The following DSC3 variants were observed in gnomAD, a reference collection of about 807,000 sequenced individuals.
The protein encoded by DSC3 is desmocollin 3.
DSC3 carries 97 observed loss-of-function variants against 89.5 expected under a neutral mutation model. That is an observed-to-expected ratio of 1.08 (90% CI 0.92 to 1.28). The LOEUF (loss-of-function observed/expected upper bound fraction) is 1.28. DSC3 is among the 50% of genes most tolerant of loss of function. The pLI, the probability that DSC3 is intolerant of heterozygous loss-of-function variation, is 0.00. For missense variants in DSC3, 1,199 were observed against 1,085.3 expected (o/e 1.10, Z -1.47); for synonymous variants, 436 against 384.1 (o/e 1.14, Z -1.58).
intron 13 of DSC3, among the ~76,000 whole-genome samples, chr18:31,002,595 G>A (rs1161323952): frequency 1.3e-5 from 2 of 151,744 alleles, no homozygotes; most frequent in Admixed American, 6.6e-5. Context: ...AGCTACTCAG[G>A]AGGCTGAGGC....
intron 9 of DSC3, among the ~76,000 whole-genome samples, chr18:31,016,834 A>G (rs1483062905): frequency 6.6e-6 from 1 of 152,180 alleles, no homozygotes. Flanking sequence ...GGTTTCTTGT[A>G]TGGATGAACA....
At position 31,031,054 on chromosome 18, in the gene DSC3, T is replaced by C; in HGVS notation, c.273A>G (p.Lys91=). ...CAGAAAGCCATATGGTAAATGATCT[T>C]TTCTTATCAGACAGCGCAACAGCCC... is the stretch of plus-strand genomic sequence containing the variant. The part of the protein sequence containing the change: ...TARAVALSDK[K]RSFTIWLSDK... The change falls in exon 3 of 16, where the codon AAA becomes AAG. Residue 91 remains lysine (K), a synonymous_variant. Transcript: ENST00000360428. 2 of 1,614,134 alleles carry C rather than the reference T, an allele frequency of 1.2e-6. No individual in the cohort carries two copies. Among genetic ancestry groups the C allele is most frequent in the South Asian group, 1.1e-5 (1 of 91,082 alleles).
chr18:31,019,110 G>C (rs944308613), intron 7 of DSC3, among the ~76,000 whole-genome samples: 1 of 152,192 alleles, frequency 6.6e-6, no homozygotes. Context: ...GTTTTGTTTT[G>C]TCTTGAGACG....
At chr18:31,011,291 A>T (rs533708212) in intron 9 of DSC3, among the ~76,000 whole-genome samples, 1 of 152,262 alleles carries the variant, frequency 6.6e-6, no homozygotes, top group Non-Finnish European at 1.5e-5. Flanking sequence ...AAGCTGTCAC[A>T]GAGGCGAATG....
Position 31,031,014 on chromosome 18 carries a change from T to C in DSC3, c.313A>G (p.Thr105Ala), listed in dbSNP as rs1490962157. Residue 105 changes from threonine (T) to alanine (A), a missense_variant, in exon 3 of 16, where the codon ACA (threonine) becomes GCA (alanine). By Grantham distance (58) the Thr-to-Ala change is moderately conservative. Coordinates refer to ENST00000360428, the MANE Select transcript of DSC3 (RefSeq NM_001941.5). ...TIWLSDKRKQ[T>A]QKEVTVLLEH... Reference sequence around the variant, plus strand: ...AGCAGCACAGTAACCTCTTTCTGTGTCTGTTTCCTTTTGTCAGAAAGCCAT... The same window carrying C: ...AGCAGCACAGTAACCTCTTTCTGTGCCTGTTTCCTTTTGTCAGAAAGCCAT... 2 of 1,614,092 alleles carry C rather than the reference T, an allele frequency of 1.2e-6. No homozygotes were observed. The highest frequency in any genetic ancestry group is 8.5e-7 in the Non-Finnish European group (1 of 1,179,932).
At chr18:31,037,717 T>A (rs1986016084) in intron 1 of DSC3, among the ~76,000 whole-genome samples, 1 of 152,140 alleles carries the variant, frequency 6.6e-6, no homozygotes, top group Admixed American at 6.5e-5. Flanking sequence ...CGGACCAACA[T>A]GGTGAAACCT....
Position 30,994,072 on chromosome 18 carries a change from G to GA in DSC3, c.*102dup. 5 of 1,171,964 alleles carry GA rather than the reference G, an allele frequency of 4.3e-6. No homozygotes were observed. The highest frequency in any genetic ancestry group is 1.3e-5 in the South Asian group (1 of 74,902). The allele number at this position is 1,171,964 out of a possible 1,614,324, so 72.6% of individuals were successfully genotyped here. A position where few individuals can be genotyped will look rare whatever the true frequency, so the allele number is the denominator to read the frequency against. On this transcript the variant is annotated 3_prime_UTR_variant, in exon 16 of 16. Transcript: ENST00000360428. Reference sequence around the variant, plus strand: ...GGTGAGTAGCATAATTCAAAATTGAGAAAAAAATCATCATATACATACATG... The same window carrying GA: ...GGTGAGTAGCATAATTCAAAATTGAGAAAAAAAATCATCATATACATACATG...
chr18:31,027,420 C>T (rs1323445314), intron 4 of DSC3, among the ~76,000 whole-genome samples: 2 of 151,944 alleles, frequency 1.3e-5, no homozygotes, highest in East Asian at 3.9e-4. Flanking sequence ...CTCATTTTTG[C>T]TACTTCTGCT....
At position 31,037,026 on chromosome 18, in the gene DSC3, C is replaced by T. The variant is rs940227090; in HGVS notation, c.70-4750G>A. 4.6e-5 allele frequency among the ~76,000 whole-genome samples: 7 copies of T among 151,874 alleles called. No homozygotes were observed. The East Asian group carries it at 7.7e-4, about 17-fold the overall frequency. On this transcript the variant is annotated intron_variant, in intron 1 of 15. Coordinates refer to ENST00000360428, the MANE Select transcript of DSC3 (RefSeq NM_001941.5). Reference sequence around the variant, plus strand: ...CAGGCTGGTCTTGAACTCCTGACCTCGTGATCTGTCTGCCTCAGCCTCCCA... The same window carrying T: ...CAGGCTGGTCTTGAACTCCTGACCTTGTGATCTGTCTGCCTCAGCCTCCCA...
At chr18:31,016,075 G>A (rs2144705487) in intron 9 of DSC3, among the ~76,000 whole-genome samples, 1 of 152,266 alleles carries the variant, frequency 6.6e-6, no homozygotes, top group East Asian at 1.9e-4. Context: ...CCACGGTAAT[G>A]CCCAGAAGTT....
At chr18:31,012,669 T>C (rs8092351) in intron 9 of DSC3, among the ~76,000 whole-genome samples, 5 of 152,182 alleles carry the variant, frequency 3.3e-5, no homozygotes, top group African/African-American at 1.2e-4. Flanking sequence ...TAATTCAATG[T>C]TTTTTGGGAA....
At chr18:31,011,875 C>A (rs72639472) in intron 9 of DSC3, among the ~76,000 whole-genome samples, 38,929 of 147,200 alleles carry the variant, frequency 0.26, 5,560 homozygotes, top group East Asian at 0.62. Flanking sequence ...CGCCTGTAGT[C>A]CCAGCTGCTT....
chr18:31,036,933 C>T (rs1329536244), intron 1 of DSC3, among the ~76,000 whole-genome samples: 1 of 151,792 alleles, frequency 6.6e-6, no homozygotes, highest in African/African-American at 2.4e-5. Flanking sequence ...GCTGGGATTA[C>T]AGGCGCCTGC....
At chr18:31,017,954 G>A (rs1298953362) in intron 9 of DSC3, 117 bp downstream of exon 9, 3 of 831,478 alleles carry the variant, frequency 3.6e-6, no homozygotes, top group Non-Finnish European at 1.9e-6. Flanking sequence ...GGTTTAAATA[G>A]ATTTTAAATT....
chr18:31,012,705 T>C (rs1022785650), intron 9 of DSC3, among the ~76,000 whole-genome samples: 1 of 151,950 alleles, frequency 6.6e-6, no homozygotes, highest in African/African-American at 2.4e-5. Context: ...GTTTCAGAGA[T>C]GGAAAAAAAG....
At position 31,025,932 on chromosome 18, in the gene DSC3, A is replaced by G; in HGVS notation, c.475-17T>C. The stretch of plus-strand genomic sequence containing the variant: ...AGATTCAACCTAAAAGTAGAAAAAA[A>G]ATATGCAAAAAAATTAAAACTAAAT... On this transcript the variant is annotated splice_polypyrimidine_tract_variant and intron_variant, in intron 4 of 15. Transcript: ENST00000360428. 6.2e-7 allele frequency: 1 copy of G among 1,607,524 alleles called. No individual in the cohort carries two copies. The highest frequency in any genetic ancestry group is 8.5e-7 in the Non-Finnish European group (1 of 1,176,578).
intron 7 of DSC3, among the ~76,000 whole-genome samples, chr18:31,020,842 G>A (rs1029287134): frequency 3.3e-5 from 5 of 152,016 alleles, no homozygotes; most frequent in East Asian, 1.9e-4. Flanking sequence ...CACAGGAGGC[G>A]GAGGTGGGAG....
intron 1 of DSC3, 143 bp downstream of exon 1, chr18:31,042,449 C>G (rs1028248564): frequency 6.0e-6 from 5 of 835,350 alleles, no homozygotes; most frequent in Non-Finnish European, 9.9e-6. Context: ...CAGGCCCGAA[C>G]TTGGGGCTGC....
At chr18:31,016,439 C>G (rs1985239918) in intron 9 of DSC3, among the ~76,000 whole-genome samples, 1 of 152,196 alleles carries the variant, frequency 6.6e-6, no homozygotes, top group South Asian at 2.1e-4. Context: ...TCCAGGAGAA[C>G]ATTTAACAGA....
Sources: gnomAD v4.1 joint callset for allele counts (sites outside exome capture counted in the v4.1 genomes callset) on GRCh38, gnomAD v4.1.1 for gene constraint, MANE v1.5 for transcripts, NCBI Gene and HGNC (gene_info 2026-07-23, HGNC 2026-07-21) for gene names.